The following DSTN variants were observed in gnomAD, a reference collection of about 807,000 sequenced individuals.
DSTN encodes the protein destrin, actin depolymerizing factor.
In DSTN, 10 loss-of-function variants were observed where a neutral mutation model predicts 16.8. That is an observed-to-expected ratio of 0.60 (90% CI 0.37 to 1.01). DSTN has a LOEUF of 1.01. Among genes scored for constraint, DSTN ranks in the 50% least tolerant of loss-of-function variants. DSTN has a pLI of 0.01. For missense variants in DSTN, 141 were observed against 196.7 expected (o/e 0.72, Z 1.69); for synonymous variants, 57 against 58.9 (o/e 0.97, Z 0.14).
intron 2 of DSTN, among the ~76,000 whole-genome samples, chr20:17,602,952 A>G (rs2035602624): frequency 6.6e-6 from 1 of 152,174 alleles, no homozygotes; most frequent in Non-Finnish European, 1.5e-5. Context: ...TCTGGGAGGC[A>G]GAGGTTGCAG....
intron 1 of DSTN, among the ~76,000 whole-genome samples, chr20:17,589,036 A>T (rs2035442330): frequency 6.6e-6 from 1 of 152,054 alleles, no homozygotes; most frequent in African/African-American, 2.4e-5. Context: ...TTCAGGAGGG[A>T]GTCTAGGGAT....
chr20:17,578,674 G>A (rs2035307631), intron 1 of DSTN, among the ~76,000 whole-genome samples: 1 of 152,178 alleles, frequency 6.6e-6, no homozygotes, highest in Non-Finnish European at 1.5e-5. Context: ...GAAAGAGCAA[G>A]AAGTGGCCGG....
chr20:17,579,232 A>T (rs1600700419), intron 1 of DSTN, among the ~76,000 whole-genome samples: 1 of 152,094 alleles, frequency 6.6e-6, no homozygotes, highest in Non-Finnish European at 1.5e-5. Flanking sequence ...GGGAATAATA[A>T]TAGTACCTAC....
chr20:17,575,191 C>T (rs2035264846), intron 1 of DSTN, among the ~76,000 whole-genome samples: 1 of 151,970 alleles, frequency 6.6e-6, no homozygotes, highest in Admixed American at 6.6e-5. Flanking sequence ...TTGTGTTTAA[C>T]TTAGTATACA....
Position 17,582,077 on chromosome 20 carries a change from ATT to A in DSTN, c.3+11884_3+11885del, listed in dbSNP as rs35744527. On this transcript the variant is annotated intron_variant, in intron 1 of 3. Coordinates refer to ENST00000246069, the MANE Select transcript of DSTN (RefSeq NM_006870.4). ...AAGTCCCTGTCTCTATGAAATATAC[ATT>A]TTTTTTTTTTTTTTTTTGAGACTGA... 9.7e-3 allele frequency among the ~76,000 whole-genome samples: 1,226 copies of A among 126,684 alleles called. 2 individuals are homozygous for A. The highest frequency in any genetic ancestry group is 0.02 in the South Asian group (79 of 3,856). 83.1% of individuals were successfully genotyped at this position (126,684 alleles called of 152,430 possible). A position where few individuals can be genotyped will look rare whatever the true frequency, so the allele number is the denominator to read the frequency against.
chr20:17,609,264 T>C lies in DSTN; in HGVS notation c.*2118T>C, dbSNP rs1022133418. 6.6e-6 allele frequency: 1 copy of C among 152,176 alleles called. No individual in the cohort carries two copies. Among genetic ancestry groups the C allele is most frequent in the Admixed American group, 6.6e-5 (1 of 15,254 alleles). 9.4% of individuals were successfully genotyped at this position (152,176 alleles called of 1,614,324 possible). On this transcript the variant is annotated 3_prime_UTR_variant, in exon 4 of 4. Coordinates refer to ENST00000246069, the MANE Select transcript of DSTN (RefSeq NM_006870.4). ...TTTCCCCCAGGCTAGAGTGCAGTGG[T>C]GCAATCATAACTCACTGCATCCTTG... is the stretch of plus-strand genomic sequence containing the variant.
intron 1 of DSTN, among the ~76,000 whole-genome samples, chr20:17,586,517 T>C (rs1032155239): frequency 1.3e-5 from 2 of 152,228 alleles, no homozygotes; most frequent in Admixed American, 6.5e-5. Context: ...GCTGTTGATA[T>C]GGCTTTGCTG....
chr20:17,584,617 A>G (rs1476642809), intron 1 of DSTN, among the ~76,000 whole-genome samples: 1 of 150,018 alleles, frequency 6.7e-6, no homozygotes, highest in Non-Finnish European at 1.5e-5. Context: ...ACGCCATTGC[A>G]CTCCAGCCTG....
intron 1 of DSTN, chr20:17,599,121 T>A (rs1198902877): frequency 1.3e-5 from 2 of 152,218 alleles, no homozygotes; most frequent in Non-Finnish European, 2.9e-5. Context: ...AATGGAACAT[T>A]ATTCAACAGT....
chr20:17,587,082 C>A (rs2035417883), intron 1 of DSTN, among the ~76,000 whole-genome samples: 1 of 151,916 alleles, frequency 6.6e-6, no homozygotes, highest in African/African-American at 2.4e-5. Context: ...TCAGAAATAG[C>A]CCTGTGTGTA....
chr20:17,571,509 C>G (rs1417299441), intron 1 of DSTN, among the ~76,000 whole-genome samples: 1 of 152,164 alleles, frequency 6.6e-6, no homozygotes, highest in Admixed American at 6.5e-5. Context: ...CTGTAAGCTA[C>G]AAAGTATCAG....
chr20:17,575,700 C>T (rs559239564), intron 1 of DSTN, among the ~76,000 whole-genome samples: 20 of 151,984 alleles, frequency 1.3e-4, no homozygotes, highest in African/African-American at 2.2e-4. Context: ...TATATAAAGA[C>T]GGGGTTTATA....
At chr20:17,592,138 GACT>G in intron 1 of DSTN, 1 of 981,096 alleles carries the variant, frequency 1.0e-6, no homozygotes. Context: ...AGAACCTAGG[GACT>G]ACAGCCAGGC....
At chr20:17,577,746 A>C (rs763684955) in intron 1 of DSTN, among the ~76,000 whole-genome samples, 12 of 152,124 alleles carry the variant, frequency 7.9e-5, no homozygotes, top group Non-Finnish European at 1.3e-4. Context: ...TTTACATATA[A>C]ATTGTTTGAA....
chr20:17,587,503 C>T (rs1178860118), intron 1 of DSTN, among the ~76,000 whole-genome samples: 1 of 152,032 alleles, frequency 6.6e-6, no homozygotes, highest in East Asian at 1.9e-4. Context: ...AATTAACACT[C>T]GGAATAGGTA....
chr20:17,608,934 C>T lies in DSTN; in HGVS notation c.*1788C>T, dbSNP rs1027342424. On this transcript the variant is annotated 3_prime_UTR_variant, in exon 4 of 4. Transcript: ENST00000246069. ...ACAAATACCATTGTGTTACAGTTGC[C>T]GACAGTATTCAGTATAGTAACGTGC... The T allele has an allele frequency of 6.6e-6, 1 of 152,002 alleles. No homozygotes were observed. The highest frequency in any genetic ancestry group is 1.5e-5 in the Non-Finnish European group (1 of 68,004). The allele number at this position is 152,002 out of a possible 1,614,324, so 9.4% of individuals were successfully genotyped here.
chr20:17,592,114 A>T (rs1207657114), intron 1 of DSTN: 1 of 985,018 alleles, frequency 1.0e-6, no homozygotes. Flanking sequence ...TTTACTGTAT[A>T]AAAATCATTA....
intron 2 of DSTN, among the ~76,000 whole-genome samples, chr20:17,602,521 TAGA>T (rs2035597422): frequency 1.3e-5 from 2 of 152,196 alleles, no homozygotes; most frequent in Non-Finnish European, 2.9e-5. Flanking sequence ...TGGAAAATAA[TAGA>T]AGAAAAGGAA....
At chr20:17,581,430 C>T (rs1437949729) in intron 1 of DSTN, among the ~76,000 whole-genome samples, 1 of 152,176 alleles carries the variant, frequency 6.6e-6, no homozygotes, top group Admixed American at 6.5e-5. Context: ...CTATGGTGAG[C>T]CAAGTTCACG....
Sources: gnomAD v4.1 joint callset for allele counts (sites outside exome capture counted in the v4.1 genomes callset) on GRCh38, gnomAD v4.1.1 for gene constraint, MANE v1.5 for transcripts, NCBI Gene and HGNC (gene_info 2026-07-23, HGNC 2026-07-21) for gene names.